The following BRINP3 variants were observed in gnomAD, a reference collection of about 807,000 sequenced individuals.
BRINP3 encodes the protein BMP/retinoic acid inducible neural specific 3.
BRINP3 carries 19 observed loss-of-function variants against 71.0 expected under a neutral mutation model. The observed-to-expected ratio is 0.27, with a 90% CI of 0.19 to 0.39. BRINP3 has a LOEUF of 0.39. Ranked by LOEUF, BRINP3 falls within the 10% of genes least tolerant of loss-of-function variation. The pLI, the probability that BRINP3 is intolerant of heterozygous loss-of-function variation, is 1.00. For missense variants in BRINP3, 959 were observed against 940.8 expected (o/e 1.02, Z -0.25); for synonymous variants, 380 against 337.7 (o/e 1.13, Z -1.37).
chr1:190,137,931 T>C (rs1254675700), intron 7 of BRINP3, among the ~76,000 whole-genome samples: 1 of 152,070 alleles, frequency 6.6e-6, no homozygotes, highest in African/African-American at 2.4e-5. Flanking sequence ...TTTACAGAAA[T>C]TATGAAAAGA....
intron 6 of BRINP3, among the ~76,000 whole-genome samples, chr1:190,202,342 T>C (rs780474479): frequency 5.9e-5 from 9 of 152,148 alleles, no homozygotes; most frequent in East Asian, 3.9e-4. Flanking sequence ...TGTACCCCCA[T>C]TGTATCTAGG....
intron 7 of BRINP3, among the ~76,000 whole-genome samples, chr1:190,119,302 G>C (rs1653426732): frequency 6.6e-6 from 1 of 150,840 alleles, no homozygotes; most frequent in Non-Finnish European, 1.5e-5. Context: ...TTTTGAGATG[G>C]AGTCTCACGC....
At chr1:190,433,771 T>C (rs1001844395) in intron 2 of BRINP3, among the ~76,000 whole-genome samples, 2 of 152,196 alleles carry the variant, frequency 1.3e-5, no homozygotes, top group East Asian at 1.9e-4. Flanking sequence ...TCATATACTT[T>C]TTAATTTTTG....
intron 7 of BRINP3, among the ~76,000 whole-genome samples, chr1:190,157,201 C>T (rs1229932244): frequency 6.6e-6 from 1 of 151,918 alleles, no homozygotes; most frequent in Non-Finnish European, 1.5e-5. Flanking sequence ...CAAAAATCAG[C>T]CCTCCTTATG....
At chr1:190,165,318 T>C (rs769884095) in intron 6 of BRINP3, among the ~76,000 whole-genome samples, 44 of 151,666 alleles carry the variant, frequency 2.9e-4, no homozygotes, top group Non-Finnish European at 5.3e-4. Context: ...TAACAAATTC[T>C]AGTAACACAA....
At chr1:190,352,528 G>A (rs1174505685) in intron 2 of BRINP3, among the ~76,000 whole-genome samples, 1 of 151,862 alleles carries the variant, frequency 6.6e-6, no homozygotes, top group Non-Finnish European at 1.5e-5. Flanking sequence ...AAAATTCAAT[G>A]ATTAAAAATA....
chr1:190,356,557 C>A (rs540018191), intron 2 of BRINP3, among the ~76,000 whole-genome samples: 1 of 152,064 alleles, frequency 6.6e-6, no homozygotes, highest in African/African-American at 2.4e-5. Context: ...TCATCAACTG[C>A]ACTAACTTTC....
intron 2 of BRINP3, among the ~76,000 whole-genome samples, chr1:190,379,332 C>T (rs954755934): frequency 6.6e-6 from 1 of 152,074 alleles, no homozygotes; most frequent in Non-Finnish European, 1.5e-5. Flanking sequence ...AGATATTCCC[C>T]TGGCAGGATT....
chr1:190,311,540 AAAGT>A (rs1454861723), intron 2 of BRINP3, among the ~76,000 whole-genome samples: 1 of 151,688 alleles, frequency 6.6e-6, no homozygotes, highest in African/African-American at 2.4e-5. Context: ...GAGGATTCAA[AAAGT>A]AATATTAATA....
intron 2 of BRINP3, among the ~76,000 whole-genome samples, chr1:190,401,376 CA>C (rs762938571): frequency 0.19 from 16,659 of 89,342 alleles, 649 homozygotes; most frequent in Middle Eastern, 0.27. Context: ...CATCTCAAAA[CA>C]AAAAAAAAAA....
At chr1:190,412,664 G>A (rs1481580392) in intron 2 of BRINP3, among the ~76,000 whole-genome samples, 6 of 150,746 alleles carry the variant, frequency 4.0e-5, no homozygotes, top group South Asian at 2.1e-4. Context: ...GGGTTTCACC[G>A]TTTTAGCCGG....
At chr1:190,320,206 CAAA>C (rs1666145932) in intron 2 of BRINP3, among the ~76,000 whole-genome samples, 1 of 151,960 alleles carries the variant, frequency 6.6e-6, no homozygotes, top group African/African-American at 2.4e-5. Flanking sequence ...AATAAATACC[CAAA>C]ACACTCCTAA....
intron 2 of BRINP3, chr1:190,302,840 T>G (rs1290042102): frequency 6.6e-6 from 1 of 151,896 alleles, no homozygotes; most frequent in Admixed American, 6.6e-5. Context: ...TCACAGAATA[T>G]AGAAAATATT....
chr1:190,387,570 T>C (rs1262654586), intron 2 of BRINP3, among the ~76,000 whole-genome samples: 3 of 151,838 alleles, frequency 2.0e-5, no homozygotes, highest in Non-Finnish European at 4.4e-5. Flanking sequence ...GTTGGAGCTG[T>C]ATGAGAAATC....
At chr1:190,212,945 T>C (rs1257587493) in intron 6 of BRINP3, among the ~76,000 whole-genome samples, 3 of 152,006 alleles carry the variant, frequency 2.0e-5, no homozygotes, top group Non-Finnish European at 2.9e-5. Context: ...TTTTAACTTA[T>C]ATAGAAATTG....
chr1:190,124,736 G>C (rs894751577), intron 7 of BRINP3, among the ~76,000 whole-genome samples: 1 of 152,064 alleles, frequency 6.6e-6, no homozygotes, highest in Non-Finnish European at 1.5e-5. Flanking sequence ...AAGGGGCAGA[G>C]ATGTGCAAAA....
At chr1:190,164,646 G>A (rs1651320638) in intron 6 of BRINP3, among the ~76,000 whole-genome samples, 1 of 151,976 alleles carries the variant, frequency 6.6e-6, no homozygotes, top group Non-Finnish European at 1.5e-5. Context: ...GCTGAAGTAG[G>A]GTGGCATGAT....
chr1:190,186,704 A>G (rs1310194835), intron 6 of BRINP3, among the ~76,000 whole-genome samples: 1 of 152,192 alleles, frequency 6.6e-6, no homozygotes, highest in African/African-American at 2.4e-5. Context: ...TGGTTAATTA[A>G]ACTCAGTTTA....
chr1:190,300,751 G>A (rs1664621948), intron 2 of BRINP3, among the ~76,000 whole-genome samples: 1 of 152,068 alleles, frequency 6.6e-6, no homozygotes, highest in Admixed American at 6.6e-5. Flanking sequence ...CAGCAGAAAG[G>A]ACATCCACAC....
Sources: gnomAD v4.1 joint callset for allele counts (sites outside exome capture counted in the v4.1 genomes callset) on GRCh38, gnomAD v4.1.1 for gene constraint, MANE v1.5 for transcripts, NCBI Gene and HGNC (gene_info 2026-07-23, HGNC 2026-07-21) for gene names.